Variants in MAP3K19 observed in about 807,000 individuals in gnomAD.
The protein encoded by MAP3K19 is mitogen-activated protein kinase kinase kinase 19.
In MAP3K19, 91 loss-of-function variants were observed where a neutral mutation model predicts 114.4. The ratio of observed to expected loss-of-function variants is 0.80; its 90% confidence interval spans 0.67 to 0.95. The LOEUF (loss-of-function observed/expected upper bound fraction) is 0.95, where lower values mean the gene tolerates loss of function less well. Among genes scored for constraint, MAP3K19 ranks in the 40% least tolerant of loss-of-function variants. The pLI is 0.00. For synonymous variants in MAP3K19, 518 were observed against 530.5 expected (o/e 0.98, Z 0.32); for missense variants, 1,471 against 1,573.2 (o/e 0.94, Z 1.10).
At chr2:135,017,774 A>T (rs2105356075) in intron 5 of MAP3K19, among the ~76,000 whole-genome samples, 1 of 152,244 alleles carries the variant, frequency 6.6e-6, no homozygotes, top group South Asian at 2.1e-4. Flanking sequence ...CATGCTGCAA[A>T]ATCATTTCTC....
intron 2 of MAP3K19, among the ~76,000 whole-genome samples, chr2:135,033,298 C>T (rs1688434510): frequency 8.1e-6 from 1 of 123,572 alleles, no homozygotes; most frequent in African/African-American, 4.0e-5. Context: ...AGGGGCTCCT[C>T]ACCTCCCAGT....
At chr2:135,013,941 G>A (rs1687410854) in intron 5 of MAP3K19, among the ~76,000 whole-genome samples, 1 of 152,072 alleles carries the variant, frequency 6.6e-6, no homozygotes, top group Admixed American at 6.6e-5. Flanking sequence ...AGAGCACTTA[G>A]TAGCTTCCTT....
chr2:135,015,577 A>AT (rs1320914241), intron 5 of MAP3K19, among the ~76,000 whole-genome samples: 4 of 152,152 alleles, frequency 2.6e-5, no homozygotes, highest in Non-Finnish European at 5.9e-5. Flanking sequence ...TATGGCAAGC[A>AT]TTTTTTGTGA....
intron 12 of MAP3K19, among the ~76,000 whole-genome samples, chr2:134,968,305 C>T (rs1247315166): frequency 6.6e-6 from 1 of 151,968 alleles, no homozygotes; most frequent in African/African-American, 2.4e-5. Flanking sequence ...GTCTTTTCCC[C>T]ACCTTTCCCC....
chr2:135,021,698 T>C lies in MAP3K19; in HGVS notation c.138+17A>G, dbSNP rs1290837495. ...TGGAGTAGGCTGTCCGTTGTTTCTT[T>C]AAAGGGAGGCTCTTACCTCACTTCT... On this transcript the variant is annotated intron_variant, in intron 5 of 12. Coordinates refer to ENST00000392915, the MANE Select transcript of MAP3K19 (RefSeq NM_025052.5). 6.7e-7 allele frequency: 1 copy of C among 1,488,382 alleles called. No homozygotes were observed. Among genetic ancestry groups the C allele is most frequent in the Non-Finnish European group, 9.3e-7 (1 of 1,073,674 alleles). The allele number at this position is 1,488,382 out of a possible 1,614,324, so 92.2% of individuals were successfully genotyped here. A position where few individuals can be genotyped will look rare whatever the true frequency, so the allele number is the denominator to read the frequency against.
chr2:134,973,306 C>T (rs1387343515), intron 12 of MAP3K19, among the ~76,000 whole-genome samples: 1 of 152,156 alleles, frequency 6.6e-6, no homozygotes, highest in South Asian at 2.1e-4. Flanking sequence ...TACCTGGGTG[C>T]TCTGGTGCAG....
chr2:134,985,733 G>C, intron 10 of MAP3K19, 67 bp downstream of exon 10: 2 of 1,314,398 alleles, frequency 1.5e-6, no homozygotes, highest in Non-Finnish European at 1.0e-6. Flanking sequence ...GAAAATAAGG[G>C]GTTTGAACCA....
In MAP3K19 at chr2:134,998,769, A is replaced by G. The variant is rs1448163795; in HGVS notation, c.543T>C (p.His181=). 6.2e-7 allele frequency: 1 copy of G among 1,601,670 alleles called. No homozygotes were observed. The highest frequency in any genetic ancestry group is 2.2e-5 in the East Asian group (1 of 44,670). ...ATTTTCTTTGCTGCTCCTTCAGAAA[A>G]TGAGGAGCATCTTCTCTGGTTACAG... ...SKSVTREDAP[H]FLKEQQRKSE... Residue 181 remains histidine (H), a synonymous_variant, in exon 8 of 13, where the codon CAT becomes CAC. Coordinates refer to ENST00000392915, the MANE Select transcript of MAP3K19 (RefSeq NM_025052.5).
chr2:135,012,024 T>C (rs1376627485), intron 5 of MAP3K19, among the ~76,000 whole-genome samples: 1 of 152,258 alleles, frequency 6.6e-6, no homozygotes, highest in African/African-American at 2.4e-5. Flanking sequence ...ATCAATATCT[T>C]ATGCATGACA....
In MAP3K19 at chr2:134,986,429, T is replaced by G. The variant is rs767215591; in HGVS notation, c.2443A>C (p.Met815Leu). 2.5e-6 allele frequency: 4 copies of G among 1,613,920 alleles called. No individual in the cohort carries two copies. In the African/African-American group the frequency reaches 5.3e-5, roughly 22 times the overall value. ...TCTCTATCACCAGTAGACTCTTCCA[T>G]AGAAACTTCTTCAACAATGGATAAA... ...SDLSIVEEVS[M>L]EESTGDRDIS... is the part of the protein sequence containing the mutation. The change falls in exon 10 of 13, where the codon ATG becomes CTG. Residue 815 changes from methionine (M) to leucine (L), a missense_variant. Coordinates refer to ENST00000392915, the MANE Select transcript of MAP3K19 (RefSeq NM_025052.5).
In MAP3K19 at chr2:134,998,964, T is replaced by C; in HGVS notation, c.348A>G (p.Gln116=). Residue 116 remains glutamine (Q), a synonymous_variant, in exon 8 of 13, where the codon CAA becomes CAG. Coordinates refer to ENST00000392915, the MANE Select transcript of MAP3K19 (RefSeq NM_025052.5). ...LINSSLQEWA[Q]AHAVSHPNEI... is the part of the protein sequence containing the mutation. ...CATTTGGATGAGAAACTGCATGTGCTTGTGCCCATTCTTGAAGCGATGAGT... is the reference window on the plus strand; with the variant it reads ...CATTTGGATGAGAAACTGCATGTGCCTGTGCCCATTCTTGAAGCGATGAGT... The C allele has an allele frequency of 6.2e-7, 1 of 1,613,894 alleles. No homozygotes were observed. Among genetic ancestry groups the C allele is most frequent in the Non-Finnish European group, 8.5e-7 (1 of 1,179,990 alleles).
At chr2:134,982,305 G>C (rs916638538) in intron 11 of MAP3K19, among the ~76,000 whole-genome samples, 1 of 145,364 alleles carries the variant, frequency 6.9e-6, no homozygotes, top group Non-Finnish European at 1.5e-5. Context: ...TATTTTTGTG[G>C]AGACGAGGTC....
At chr2:134,983,607 TG>T in intron 11 of MAP3K19, 68 bp downstream of exon 11, 1 of 728,830 alleles carries the variant, frequency 1.4e-6, no homozygotes, top group South Asian at 3.7e-5. Flanking sequence ...ACTGGGGGAG[TG>T]GGAGGGGTGG....
intron 12 of MAP3K19, among the ~76,000 whole-genome samples, chr2:134,974,824 C>A (rs1484088904): frequency 6.6e-6 from 1 of 152,152 alleles, no homozygotes; most frequent in Admixed American, 6.5e-5. Context: ...ACAGTCACTT[C>A]TTTTAAATTT....
At chr2:135,012,241 A>C (rs1315086581) in intron 5 of MAP3K19, among the ~76,000 whole-genome samples, 1 of 151,522 alleles carries the variant, frequency 6.6e-6, no homozygotes. Context: ...GCTTGTACCC[A>C]CAAGATGCCA....
chr2:135,034,858 GGGGAGA>G (rs1574056063), intron 2 of MAP3K19, among the ~76,000 whole-genome samples: 4 of 31,902 alleles, frequency 1.3e-4, no homozygotes, highest in Non-Finnish European at 3.2e-4. Context: ...GGAGGGGGAG[GGGGAGA>G]GGGAGAGGGA....
At chr2:135,041,369 C>A (rs1218200293) in intron 1 of MAP3K19, among the ~76,000 whole-genome samples, 1 of 150,336 alleles carries the variant, frequency 6.7e-6, no homozygotes, top group Non-Finnish European at 1.5e-5. Flanking sequence ...GAGATAGAGT[C>A]TCACTCTCTC....
At chr2:135,011,485 C>T (rs536261131) in intron 5 of MAP3K19, among the ~76,000 whole-genome samples, 51 of 145,414 alleles carry the variant, frequency 3.5e-4, no homozygotes, top group Non-Finnish European at 6.7e-4. Flanking sequence ...TGCAGTGAGC[C>T]GAGATCGCGC....
intron 9 of MAP3K19, among the ~76,000 whole-genome samples, chr2:134,990,307 C>T (rs935232979): frequency 6.6e-6 from 1 of 152,150 alleles, no homozygotes; most frequent in Non-Finnish European, 1.5e-5. Context: ...TCCTCCTCTG[C>T]TACCTCTGTG....
Sources: gnomAD v4.1 joint callset for allele counts (sites outside exome capture counted in the v4.1 genomes callset) on GRCh38, gnomAD v4.1.1 for gene constraint, MANE v1.5 for transcripts, NCBI Gene and HGNC (gene_info 2026-07-23, HGNC 2026-07-21) for gene names.